The following HSPH1 variants were observed in gnomAD, a reference collection of about 807,000 sequenced individuals.
The protein encoded by HSPH1 is heat shock protein 105 kDa.
In HSPH1, 40 loss-of-function variants were observed where a neutral mutation model predicts 100.0. That is an observed-to-expected ratio of 0.40 (90% confidence interval 0.31 to 0.52). The LOEUF (loss-of-function observed/expected upper bound fraction) is 0.52. Among genes scored for constraint, HSPH1 ranks in the 20% least tolerant of loss-of-function variants. HSPH1 has a pLI of 0.54. For missense variants in HSPH1, 876 were observed against 1,015.1 expected, an observed-to-expected ratio of 0.86 and a Z score of 1.86; for synonymous variants, 403 against 344.0, an observed-to-expected ratio of 1.17 and a Z score of -1.90.
At chr13:31,152,205 A>AT (rs1372299871) in intron 5 of HSPH1, 1 of 152,724 alleles carries the variant, frequency 6.5e-6, no homozygotes, top group African/African-American at 2.4e-5. Context: ...AAACAACTGT[A>AT]TTTCTAAACA....
At position 31,141,194 on chromosome 13, in the gene HSPH1, A is replaced by G; in HGVS notation, c.1782T>C (p.Val594=). Residue 594 remains valine (V), a synonymous_variant, in exon 13 of 18, where the codon GTT becomes GTC. Transcript: ENST00000320027. ...AKKPKIKVVN[V]ELPIEANLVW... is the part of the protein sequence containing the mutation. ...CCAAGTTGGCTTCAATAGGCAGCTC[A>G]ACATTCACCACCTTTATTTTGGGCT... The G allele has an allele frequency of 6.2e-7, 1 of 1,611,046 alleles. No individual in the cohort carries two copies. The highest frequency in any genetic ancestry group is 2.2e-5 in the East Asian group (1 of 44,806).
In HSPH1 at chr13:31,138,353, G is replaced by C; in HGVS notation, c.2370+54C>G. The C allele has an allele frequency of 5.2e-6, 8 of 1,538,742 alleles. No homozygotes were observed. In the South Asian group the frequency reaches 8.2e-5, roughly 16 times the overall value. On this transcript the variant is annotated intron_variant, in intron 17 of 17. Coordinates refer to ENST00000320027, the MANE Select transcript of HSPH1 (RefSeq NM_006644.4). ...GGCTATGTTGAAGGTTCAAATGATT[G>C]CAACTTGAGTCCGTAAGTGAACCCA...
intron 8 of HSPH1, among the ~76,000 whole-genome samples, chr13:31,148,856 CA>C (rs1271925397): frequency 6.6e-6 from 1 of 151,928 alleles, no homozygotes; most frequent in East Asian, 1.9e-4. Flanking sequence ...CACTGCTTTC[CA>C]AATGTCTGAG....
chr13:31,162,083 C>T, upstream of HSPH1: 1 of 1,536,138 alleles, frequency 6.5e-7, no homozygotes, highest in Non-Finnish European at 8.7e-7. Context: ...GGAGAACGGC[C>T]GCCGTTGCCA....
At chr13:31,156,442 T>TA (rs1168227824) in intron 2 of HSPH1, among the ~76,000 whole-genome samples, 1 of 151,682 alleles carries the variant, frequency 6.6e-6, no homozygotes, top group Non-Finnish European at 1.5e-5. Flanking sequence ...CACATGCCTG[T>TA]AATCCCAGCT....
intron 2 of HSPH1, among the ~76,000 whole-genome samples, chr13:31,157,870 T>A (rs1193954409): frequency 1.3e-5 from 2 of 152,178 alleles, no homozygotes; most frequent in East Asian, 3.9e-4. Flanking sequence ...GCCAATATAT[T>A]TTAGGAACTA....
intron 13 of HSPH1, 96 bp downstream of exon 13, chr13:31,141,026 G>T: frequency 1.4e-6 from 1 of 732,312 alleles, no homozygotes; most frequent in Non-Finnish European, 2.1e-6. Flanking sequence ...CTTGGGATGA[G>T]AAAGAATTAT....
rs549257884 is a variant in HSPH1, at chr13:31,149,951, T to C, written c.1137+3A>G. 9.3e-6 allele frequency: 15 copies of C among 1,609,966 alleles called. 2 individuals are homozygous for C. The South Asian group carries it at 1.5e-4, about 17-fold the overall frequency. On this transcript the variant is annotated splice_donor_region_variant and intron_variant, in intron 8 of 17. Coordinates refer to ENST00000320027, the MANE Select transcript of HSPH1 (RefSeq NM_006644.4). Reference sequence around the variant, plus strand: ...CCAAGCAAAAGCAGAGTTGAGAAAGTACCTGTAATGCACATCCTCTGGCTA... The same window carrying C: ...CCAAGCAAAAGCAGAGTTGAGAAAGCACCTGTAATGCACATCCTCTGGCTA...
intron 10 of HSPH1, among the ~76,000 whole-genome samples, chr13:31,145,991 C>T (rs1039749738): frequency 6.6e-6 from 1 of 151,948 alleles, no homozygotes; most frequent in Admixed American, 6.6e-5. Context: ...ATAAATTAGC[C>T]GAGCACAGTG....
intron 13 of HSPH1, chr13:31,140,876 T>C (rs1013034591): frequency 3.0e-6 from 1 of 328,172 alleles, no homozygotes; most frequent in African/African-American, 2.1e-5. Context: ...TGTGCTCTGT[T>C]ATGATTTATT....
At chr13:31,152,704 T>A (rs529715262) in intron 5 of HSPH1, 148 bp downstream of exon 5, 1 of 575,226 alleles carries the variant, frequency 1.7e-6, no homozygotes, top group East Asian at 2.9e-5. Flanking sequence ...TCATTAACCA[T>A]AAGCATTTTA....
At chr13:31,140,365 C>T in intron 13 of HSPH1, 56 bp from the exon 14 acceptor site, 2 of 1,543,976 alleles carry the variant, frequency 1.3e-6, no homozygotes, top group South Asian at 2.3e-5. Context: ...AAGCTAAATT[C>T]TAAATATGTA....
In HSPH1 at chr13:31,154,741, A is replaced by G; in HGVS notation, c.321T>C (p.Gly107=). Residue 107 remains glycine (G), a synonymous_variant, in exon 4 of 18, where the codon GGT becomes GGC. Coordinates refer to ENST00000320027, the MANE Select transcript of HSPH1 (RefSeq NM_006644.4). ...GGVGIKVMYM[G]EEHLFSVEQI... is the part of the protein sequence containing the mutation. The stretch of plus-strand genomic sequence containing the variant: ...GCTCCACACTAAATAGATGTTCTTC[A>G]CCCATGTACATTACCTATATTGAAG... 6.2e-7 allele frequency: 1 copy of G among 1,613,460 alleles called. No homozygotes were observed. The highest frequency in any genetic ancestry group is 8.5e-7 in the Non-Finnish European group (1 of 1,179,512).
At chr13:31,146,265 T>C (rs1039954852) in intron 10 of HSPH1, among the ~76,000 whole-genome samples, 1 of 152,238 alleles carries the variant, frequency 6.6e-6, no homozygotes, top group Non-Finnish European at 1.5e-5. Context: ...AGTCCTCTAA[T>C]ATATACTATA....
At chr13:31,147,895 G>T in intron 10 of HSPH1, 64 bp downstream of exon 10, 2 of 1,386,356 alleles carry the variant, frequency 1.4e-6, no homozygotes, top group Non-Finnish European at 2.0e-6. Flanking sequence ...TTTAAAGTTT[G>T]TACAATGAGT....
chr13:31,155,910 T>A (rs1057027108), intron 2 of HSPH1, among the ~76,000 whole-genome samples: 1 of 152,168 alleles, frequency 6.6e-6, no homozygotes, highest in African/African-American at 2.4e-5. Context: ...ACGACAGACT[T>A]TAAAGATTTC....
rs1336757871 is a variant in HSPH1 at position 31,141,797 on chromosome 13, TACATAC to T, written c.1717-544_1717-539del. On this transcript the variant is annotated intron_variant, in intron 12 of 17. Transcript: ENST00000320027. ...TACATATATATATACTCCATACACA[TACATAC>T]ACACACACACACACACACACACACA... 7.8e-3 allele frequency among the ~76,000 whole-genome samples: 969 copies of T among 124,234 alleles called. 8 individuals are homozygous for T. The highest frequency in any genetic ancestry group is 0.02 in the African/African-American group (661 of 32,742). The allele number at this position is 124,234 out of a possible 152,430, so 81.5% of individuals were successfully genotyped here.
intron 6 of HSPH1, 127 bp downstream of exon 6, chr13:31,151,482 G>T: frequency 2.3e-6 from 2 of 881,548 alleles, no homozygotes; most frequent in Non-Finnish European, 3.4e-6. Context: ...ACCGTTTCCT[G>T]TTAACATCTT....
At position 31,151,019 on chromosome 13, in the gene HSPH1, G is replaced by C. The variant is rs759336666; in HGVS notation, c.836C>G (p.Ser279Cys). The C allele has an allele frequency of 1.9e-6, 3 of 1,613,690 alleles. No individual in the cohort carries two copies. The highest frequency in any genetic ancestry group is 2.2e-5 in the South Asian group (2 of 91,076). The change falls in exon 7 of 18, where the codon TCT becomes TGT. Residue 279 changes from serine (S) to cysteine (C), a missense_variant. Coordinates refer to ENST00000320027, the MANE Select transcript of HSPH1 (RefSeq NM_006644.4). ...ATTCAGTGGAAGGTCTGTGCTGTTA[G>C]AGCTCATTAGCTTTTTCAGTTTTTC... Reference protein sequence around the residue: ...ECEKLKKLMSSNSTDLPLNIE... With the variant: ...ECEKLKKLMSCNSTDLPLNIE...
Sources: gnomAD v4.1 joint callset for allele counts (sites outside exome capture counted in the v4.1 genomes callset) on GRCh38, gnomAD v4.1.1 for gene constraint, MANE v1.5 for transcripts, NCBI Gene and HGNC (gene_info 2026-07-23, HGNC 2026-07-21) for gene names.